Variants in UNC5B observed in about 807,000 individuals in gnomAD.
UNC5B encodes unc-5 netrin receptor B, also known as netrin receptor UNC5B.
UNC5B carries 56 observed loss-of-function variants against 103.7 expected under a neutral mutation model. The observed-to-expected ratio is 0.54, with a 90% CI of 0.44 to 0.67. The LOEUF is 0.67. UNC5B is among the 30% of genes least tolerant of loss of function. The pLI, the probability that UNC5B is intolerant of heterozygous loss-of-function variation, is 0.00. For synonymous variants in UNC5B, 577 were observed against 542.0 expected (o/e 1.06, Z -0.90); for missense variants, 1,194 against 1,284.5 (o/e 0.93, Z 1.08).
rs139635033 is a variant in UNC5B at position 71,291,793 on chromosome 10, G to A, written c.1656G>A (p.Leu552=). 244 of 1,603,400 alleles carry A rather than the reference G, an allele frequency of 1.5e-4. No individual in the cohort carries two copies. The highest frequency in any genetic ancestry group is 1.8e-4 in the Non-Finnish European group (218 of 1,178,646). The change falls in exon 10 of 17, where the codon CTG becomes CTA. Residue 552 remains leucine, a synonymous_variant. Transcript: ENST00000335350. Reference sequence around the variant, plus strand: ...GCGTCAGCGGCACCTTTGGCTGCCTGGGTGGGAGGCTCAGCATCCCCGGCA... The same window carrying A: ...GCGTCAGCGGCACCTTTGGCTGCCTAGGTGGGAGGCTCAGCATCCCCGGCA... ...GSSVSGTFGC[L]GGRLSIPGTG... is the part of the protein sequence containing the mutation.
At position 71,296,696 on chromosome 10, in the gene UNC5B, T is replaced by C. The variant is rs142400365; in HGVS notation, c.2444T>C (p.Val815Ala). 17 of 1,607,102 alleles carry C rather than the reference T, an allele frequency of 1.1e-5. No individual in the cohort carries two copies. Among genetic ancestry groups the C allele is most frequent in the Non-Finnish European group, 1.4e-5 (16 of 1,176,440 alleles). Reference sequence around the variant, plus strand: ...ACCTGCAAGATCTGCGTGCGGCAAGTGGAAGGGGAGGGCCAGATATTCCAG... The same window carrying C: ...ACCTGCAAGATCTGCGTGCGGCAAGCGGAAGGGGAGGGCCAGATATTCCAG... ...ELTCKICVRQ[V>A]EGEGQIFQLH... The change falls in exon 15 of 17, where the codon GTG becomes GCG. Residue 815 changes from valine (V) to alanine (A), a missense_variant. Physicochemically the swap from Val to Ala is moderately conservative, Grantham distance 64 (BLOSUM62 0). Transcript: ENST00000335350.
At chr10:71,290,794 C>T in intron 8 of UNC5B, 121 bp from the exon 9 acceptor site, 9 of 1,250,590 alleles carry the variant, frequency 7.2e-6, no homozygotes, top group South Asian at 6.0e-5. Flanking sequence ...AGGGCTCAGA[C>T]TGGAACTCAG....
intron 1 of UNC5B, among the ~76,000 whole-genome samples, chr10:71,226,846 A>C (rs1042160342): frequency 6.6e-6 from 1 of 152,238 alleles, no homozygotes; most frequent in Non-Finnish European, 1.5e-5. Flanking sequence ...AAAATACTAC[A>C]CTAAAAGAAA....
chr10:71,283,654 C>T (rs896903693), intron 2 of UNC5B, among the ~76,000 whole-genome samples: 3 of 152,160 alleles, frequency 2.0e-5, no homozygotes, highest in Admixed American at 6.5e-5. Context: ...GGCTCTGTAA[C>T]CTTTGGGGAG....
intron 5 of UNC5B, among the ~76,000 whole-genome samples, 163 bp downstream of exon 5, chr10:71,287,032 T>C (rs1845106991): frequency 6.6e-6 from 1 of 152,184 alleles, no homozygotes; most frequent in Admixed American, 6.5e-5. Context: ...AAGTTGGGCA[T>C]TCCTGGGTTC....
intron 1 of UNC5B, among the ~76,000 whole-genome samples, chr10:71,238,875 G>A (rs981229711): frequency 6.6e-6 from 1 of 152,238 alleles, no homozygotes; most frequent in Admixed American, 6.5e-5. Context: ...GACCTCCTGG[G>A]CTCAAATGAT....
At chr10:71,269,001 G>A (rs1008077484) in intron 1 of UNC5B, among the ~76,000 whole-genome samples, 1 of 152,192 alleles carries the variant, frequency 6.6e-6, no homozygotes, top group African/African-American at 2.4e-5. Context: ...GCCCTCACCC[G>A]TCTGACACGT....
chr10:71,216,272 G>GCA (rs1281098011), intron 1 of UNC5B, among the ~76,000 whole-genome samples: 1 of 152,216 alleles, frequency 6.6e-6, no homozygotes, highest in Non-Finnish European at 1.5e-5. Context: ...TGAAATTGAG[G>GCA]CACCACTTAA....
chr10:71,240,942 G>A (rs1401419547), intron 1 of UNC5B, among the ~76,000 whole-genome samples: 1 of 152,232 alleles, frequency 6.6e-6, no homozygotes, highest in Non-Finnish European at 1.5e-5. Context: ...TGAGCTTCTT[G>A]TAATTAGCAG....
At chr10:71,282,354 G>T (rs2132300844) in intron 2 of UNC5B, among the ~76,000 whole-genome samples, 1 of 152,328 alleles carries the variant, frequency 6.6e-6, no homozygotes, top group South Asian at 2.1e-4. Context: ...CCATGCTTGG[G>T]AGGGCAGTCT....
intron 1 of UNC5B, among the ~76,000 whole-genome samples, chr10:71,271,483 T>C: frequency 6.6e-6 from 1 of 152,132 alleles, no homozygotes. Flanking sequence ...ACCTGAAACT[T>C]GGAAAAGGAA....
Position 71,299,619 on chromosome 10 carries a change from A to G in UNC5B, c.*342A>G, listed in dbSNP as rs569420672. 33 of 251,118 alleles carry G rather than the reference A, an allele frequency of 1.3e-4. No individual in the cohort carries two copies. Among genetic ancestry groups the G allele is most frequent in the African/African-American group, 7.6e-4 (33 of 43,168 alleles). 15.6% of individuals were successfully genotyped at this position (251,118 alleles called of 1,614,324 possible). A position where few individuals can be genotyped will look rare whatever the true frequency, so the allele number is the denominator to read the frequency against. Reference sequence around the variant, plus strand: ...CCACCCCCCCACCCTCAGCCCGGCAACTTCTGGGTTCCATGGGTTTTAGTT... The same window carrying G: ...CCACCCCCCCACCCTCAGCCCGGCAGCTTCTGGGTTCCATGGGTTTTAGTT... On this transcript the variant is annotated 3_prime_UTR_variant, in exon 17 of 17. Coordinates refer to ENST00000335350, the MANE Select transcript of UNC5B (RefSeq NM_170744.5).
At position 71,246,820 on chromosome 10, in the gene UNC5B, A is replaced by T. The variant is rs528783519; in HGVS notation, c.80-33001A>T. ...GACTAAGACCCAGGCCAGAGAGGGG[A>T]GCAGAGGGCGGCTGACCAGCCGGCA... is the stretch of plus-strand genomic sequence containing the variant. On this transcript the variant is annotated intron_variant, in intron 1 of 16. Coordinates refer to ENST00000335350, the MANE Select transcript of UNC5B (RefSeq NM_170744.5). 1.2e-4 allele frequency among the ~76,000 whole-genome samples: 19 copies of T among 152,292 alleles called. No individual in the cohort carries two copies. In the South Asian group the frequency reaches 3.9e-3, roughly 32 times the overall value.
intron 1 of UNC5B, among the ~76,000 whole-genome samples, chr10:71,236,932 C>T (rs1843786418): frequency 1.3e-5 from 2 of 152,246 alleles, no homozygotes; most frequent in Admixed American, 1.3e-4. Context: ...ATGCATGCCC[C>T]TGAAGAGAAC....
intron 1 of UNC5B, among the ~76,000 whole-genome samples, chr10:71,239,710 C>T (rs997776968): frequency 6.6e-6 from 1 of 151,950 alleles, no homozygotes; most frequent in African/African-American, 2.4e-5. Context: ...GGGCACACAC[C>T]CCTGCTGGAT....
rs1250126036 is a variant in UNC5B, at chr10:71,291,124, A to G, written c.1294+15A>G. On this transcript the variant is annotated intron_variant, in intron 9 of 16. Transcript: ENST00000335350. ...GGCAAGGCCCAGTAAGAACCCGAGG[A>G]TGTCTGGGGTGGTTGGCAGAGGCAG... 1.2e-6 allele frequency: 2 copies of G among 1,604,834 alleles called. No individual in the cohort carries two copies. Among genetic ancestry groups the G allele is most frequent in the Non-Finnish European group, 8.5e-7 (1 of 1,173,042 alleles).
intron 1 of UNC5B, among the ~76,000 whole-genome samples, chr10:71,249,366 A>G (rs1359798261): frequency 6.6e-6 from 1 of 152,174 alleles, no homozygotes; most frequent in Non-Finnish European, 1.5e-5. Context: ...CTGCCCCTCA[A>G]AACTTGGCCC....
intron 1 of UNC5B, among the ~76,000 whole-genome samples, chr10:71,251,425 A>G (rs1006746789): frequency 1.6e-4 from 25 of 152,170 alleles, no homozygotes; most frequent in African/African-American, 6.0e-4. Context: ...TTTAAAGGCA[A>G]ATTGGATTTT....
At chr10:71,273,899 G>A (rs10999757) in intron 1 of UNC5B, among the ~76,000 whole-genome samples, 23 of 152,232 alleles carry the variant, frequency 1.5e-4, no homozygotes, top group Non-Finnish European at 2.9e-4. Flanking sequence ...TTTTAAATGG[G>A]TGGGTGACAT....
Sources: allele counts gnomAD v4.1 joint callset (sites outside exome capture counted in the v4.1 genomes callset), GRCh38; gene constraint gnomAD v4.1.1; transcripts MANE v1.5; gene names NCBI Gene and HGNC (gene_info 2026-07-23, HGNC 2026-07-21).